The following GALNT13 variants were observed in gnomAD, a reference collection of about 807,000 sequenced individuals.
The protein encoded by GALNT13 is polypeptide N-acetylgalactosaminyltransferase 13, also known as UDP-GalNAc:polypeptide N-acetylgalactosaminyltransferase 13.
A neutral mutation model predicts 64.2 loss-of-function variants in GALNT13; 28 were observed. That is an observed-to-expected ratio of 0.44 (90% CI 0.32 to 0.60). The LOEUF is 0.60. GALNT13 is among the 20% of genes least tolerant of loss of function. GALNT13 has a pLI of 0.05. For synonymous variants in GALNT13, 214 were observed against 224.6 expected, an observed-to-expected ratio of 0.95 and a Z score of 0.42; for missense variants, 577 against 669.8, an observed-to-expected ratio of 0.86 and a Z score of 1.53.
At chr2:154,357,536 C>A (rs903091041) in intron 9 of GALNT13, among the ~76,000 whole-genome samples, 1 of 152,002 alleles carries the variant, frequency 6.6e-6, no homozygotes, top group Non-Finnish European at 1.5e-5. Flanking sequence ...TAGTCACTAG[C>A]AGGTAGTAAT....
chr2:154,390,074 T>C (rs1432165106), intron 9 of GALNT13, among the ~76,000 whole-genome samples: 2 of 152,176 alleles, frequency 1.3e-5, no homozygotes, highest in Non-Finnish European at 2.9e-5. Flanking sequence ...AATTTCTATG[T>C]TTATATAAAA....
the GALNT13 span, among the ~76,000 whole-genome samples, chr2:153,529,527 A>T: frequency 6.6e-6 from 1 of 152,122 alleles, no homozygotes; most frequent in Non-Finnish European, 1.5e-5. Context: ...GCTCCAAAAA[A>T]TAGAGGAGGA....
the GALNT13 span, among the ~76,000 whole-genome samples, chr2:153,380,238 A>G: frequency 1.3e-5 from 2 of 152,278 alleles, no homozygotes; most frequent in South Asian, 4.1e-4. Context: ...AAGTTTCTTC[A>G]AACAGTACAC....
At chr2:153,967,469 G>A (rs963106126) in intron 3 of GALNT13, among the ~76,000 whole-genome samples, 1 of 152,124 alleles carries the variant, frequency 6.6e-6, no homozygotes, top group Non-Finnish European at 1.5e-5. Flanking sequence ...CATAAGCCCA[G>A]GAACACTGTG....
At chr2:153,315,472 CAT>C in the GALNT13 span, among the ~76,000 whole-genome samples, 1 of 152,154 alleles carries the variant, frequency 6.6e-6, no homozygotes, top group East Asian at 1.9e-4. Flanking sequence ...TTTGGGAAAA[CAT>C]AATCATTCAG....
At chr2:153,081,341 A>C in the GALNT13 span, among the ~76,000 whole-genome samples, 2 of 152,146 alleles carry the variant, frequency 1.3e-5, no homozygotes, top group Non-Finnish European at 2.9e-5. Flanking sequence ...CATTCCCTCA[A>C]GCATTTATTC....
intron 3 of GALNT13, among the ~76,000 whole-genome samples, chr2:154,023,098 T>A (rs1199782341): frequency 1.3e-5 from 2 of 152,220 alleles, no homozygotes; most frequent in Admixed American, 6.5e-5. Context: ...TGCTGAGGAG[T>A]GCTTTACTTC....
chr2:154,287,734 C>T (rs972921837), intron 8 of GALNT13, among the ~76,000 whole-genome samples: 15 of 152,120 alleles, frequency 9.9e-5, no homozygotes, highest in African/African-American at 3.4e-4. Flanking sequence ...TTCTTTTGAA[C>T]TGCCTATAAA....
the GALNT13 span, among the ~76,000 whole-genome samples, chr2:153,656,797 T>C: frequency 6.6e-6 from 1 of 152,038 alleles, no homozygotes; most frequent in Non-Finnish European, 1.5e-5. Context: ...AACCGGGGCA[T>C]CAAATCTGGT....
chr2:154,134,173 A>G (rs1558977707), intron 3 of GALNT13, among the ~76,000 whole-genome samples: 1 of 152,340 alleles, frequency 6.6e-6, no homozygotes, highest in East Asian at 1.9e-4. Context: ...CAACAACTAC[A>G]TTAGTTCAAT....
chr2:153,195,850 T>C, the GALNT13 span, among the ~76,000 whole-genome samples: 4 of 152,138 alleles, frequency 2.6e-5, no homozygotes, highest in Non-Finnish European at 5.9e-5. Context: ...ATAGAACAGC[T>C]CAGAGGAGAC....
the GALNT13 span, among the ~76,000 whole-genome samples, chr2:153,540,311 A>G: frequency 6.6e-6 from 1 of 152,222 alleles, no homozygotes; most frequent in Admixed American, 6.5e-5. Flanking sequence ...TGCATAGAAG[A>G]CAAGAGTTGA....
chr2:153,421,098 G>T, the GALNT13 span: 1 of 260,710 alleles, frequency 3.8e-6, no homozygotes. Flanking sequence ...ACCATAGTGA[G>T]AGTCACATTT....
chr2:153,299,273 T>A, the GALNT13 span, among the ~76,000 whole-genome samples: 3 of 152,212 alleles, frequency 2.0e-5, no homozygotes, highest in African/African-American at 7.2e-5. Context: ...CAGAGCACAG[T>A]CATCTTTTAT....
At chr2:154,240,640 A>G (rs544533030) in intron 4 of GALNT13, among the ~76,000 whole-genome samples, 1 of 152,252 alleles carries the variant, frequency 6.6e-6, no homozygotes, top group African/African-American at 2.4e-5. Flanking sequence ...ACCCCACAGC[A>G]GTGTTTAGGG....
chr2:153,917,713 C>T (rs1220263155), intron 2 of GALNT13, among the ~76,000 whole-genome samples: 1 of 152,146 alleles, frequency 6.6e-6, no homozygotes, highest in Non-Finnish European at 1.5e-5. Context: ...AGCTACCACA[C>T]AGGCTGGTGA....
chr2:153,973,201 T>C (rs1425613084), intron 3 of GALNT13, among the ~76,000 whole-genome samples: 2 of 152,004 alleles, frequency 1.3e-5, no homozygotes, highest in Admixed American at 1.3e-4. Flanking sequence ...ATAAAACTAC[T>C]GAGAGCTTTG....
the GALNT13 span, among the ~76,000 whole-genome samples, chr2:153,489,750 G>A: frequency 2.0e-5 from 3 of 152,120 alleles, no homozygotes; most frequent in African/African-American, 4.8e-5. Flanking sequence ...ATGGTTCCTA[G>A]GAACTATTGG....
At chr2:154,085,935 A>C (rs1701499717) in intron 3 of GALNT13, among the ~76,000 whole-genome samples, 1 of 151,884 alleles carries the variant, frequency 6.6e-6, no homozygotes, top group Non-Finnish European at 1.5e-5. Flanking sequence ...ACGTAAAAAA[A>C]TAAAGTATGT....
Sources: allele counts gnomAD v4.1 joint callset (sites outside exome capture counted in the v4.1 genomes callset), GRCh38; gene constraint gnomAD v4.1.1; transcripts MANE v1.5; gene names NCBI Gene and HGNC (gene_info 2026-07-23, HGNC 2026-07-21).